The following XPNPEP3 variants were observed in gnomAD, a reference collection of about 807,000 sequenced individuals.
XPNPEP3 encodes the protein xaa-Pro aminopeptidase 3.
XPNPEP3 carries 41 observed loss-of-function variants against 60.0 expected under a neutral mutation model. That is an observed-to-expected ratio of 0.68 (90% CI 0.53 to 0.89). The LOEUF (loss-of-function observed/expected upper bound fraction) is 0.89, where lower values mean the gene tolerates loss of function less well. Ranked by LOEUF, XPNPEP3 falls within the 40% of genes least tolerant of loss-of-function variation. The probability of loss-of-function intolerance (pLI) is 0.00; values close to 1 mark genes in which losing one functional copy is unlikely to be tolerated. For synonymous variants in XPNPEP3, 212 were observed against 223.2 expected (o/e 0.95, Z 0.45); for missense variants, 598 against 638.9 (o/e 0.94, Z 0.69).
chr22:40,923,626 C>T (rs149312921), intron 8 of XPNPEP3, among the ~76,000 whole-genome samples: 50 of 152,060 alleles, frequency 3.3e-4, no homozygotes, highest in East Asian at 2.9e-3. Flanking sequence ...CTGAGGCAGG[C>T]GGATCACATG....
intron 5 of XPNPEP3, among the ~76,000 whole-genome samples, chr22:40,908,133 A>T (rs1308835532): frequency 6.6e-6 from 1 of 152,042 alleles, no homozygotes; most frequent in Non-Finnish European, 1.5e-5. Flanking sequence ...AGAATCACTT[A>T]AACCTGGGAG....
intron 1 of XPNPEP3, chr22:40,860,766 C>T (rs1246478269): frequency 4.1e-6 from 3 of 724,768 alleles, no homozygotes; most frequent in Non-Finnish European, 6.6e-6. Context: ...AGTCTTTCTA[C>T]CAGCTTCCCG....
At chr22:40,894,670 C>T (rs2058101186) in intron 4 of XPNPEP3, among the ~76,000 whole-genome samples, 1 of 152,188 alleles carries the variant, frequency 6.6e-6, no homozygotes, top group Admixed American at 6.6e-5. Context: ...CACTGGCTGG[C>T]TTGAGTTCCT....
At chr22:40,864,761 A>G (rs543983398) in intron 1 of XPNPEP3, among the ~76,000 whole-genome samples, 20 of 152,216 alleles carry the variant, frequency 1.3e-4, no homozygotes, top group Admixed American at 9.8e-4. Flanking sequence ...CTTCTTTACT[A>G]TAACCTACCT....
At chr22:40,892,273 C>T (rs1422163774) in intron 4 of XPNPEP3, among the ~76,000 whole-genome samples, 3 of 152,138 alleles carry the variant, frequency 2.0e-5, no homozygotes, top group Admixed American at 6.5e-5. Context: ...CAACCTCCGC[C>T]TCCCAGGTTC....
At chr22:40,868,451 GTGTA>G (rs1300718102) in intron 1 of XPNPEP3, among the ~76,000 whole-genome samples, 1 of 151,824 alleles carries the variant, frequency 6.6e-6, no homozygotes, top group Non-Finnish European at 1.5e-5. Flanking sequence ...GTGTGTGTGT[GTGTA>G]TGTGTATAAA....
intron 1 of XPNPEP3, chr22:40,862,586 T>G (rs1486401310): frequency 1.0e-6 from 1 of 985,346 alleles, no homozygotes; most frequent in East Asian, 1.1e-4. Context: ...TACTGGATGC[T>G]AAACAATTAT....
At position 40,858,586 on chromosome 22, in the gene XPNPEP3, GTGGCGCGATCTCT is replaced by G. The variant is rs532845270; in HGVS notation, c.64+1344_64+1356del. Among the ~76,000 whole-genome samples, 8 of 139,648 alleles carry G rather than the reference GTGGCGCGATCTCT, an allele frequency of 5.7e-5. No individual in the cohort carries two copies. The South Asian group carries it at 1.8e-3, about 32-fold the overall frequency. 91.6% of individuals were successfully genotyped at this position (139,648 alleles called of 152,430 possible). On this transcript the variant is annotated intron_variant, in intron 1 of 9. Transcript: ENST00000357137. ...CTCTTGTCGCCCAGGCTGGAGTGCA[GTGGCGCGATCTCT>G]TGCCTTACTGCAACCTCCACCTCCC...
chr22:40,864,627 TAG>T (rs1332584834), intron 1 of XPNPEP3, among the ~76,000 whole-genome samples: 1 of 152,074 alleles, frequency 6.6e-6, no homozygotes, highest in Non-Finnish European at 1.5e-5. Context: ...GTATTTTTAG[TAG>T]AGAGGGGGTT....
At chr22:40,900,030 A>G (rs1163900883) in intron 4 of XPNPEP3, among the ~76,000 whole-genome samples, 2 of 152,082 alleles carry the variant, frequency 1.3e-5, no homozygotes, top group Non-Finnish European at 2.9e-5. Flanking sequence ...ACACCACTGC[A>G]TTCCAGCCTG....
intron 3 of XPNPEP3, among the ~76,000 whole-genome samples, chr22:40,884,991 G>C (rs1601500967): frequency 6.6e-6 from 1 of 151,158 alleles, no homozygotes; most frequent in East Asian, 2.0e-4. Flanking sequence ...TCGCGCCACT[G>C]CACTCCAGCC....
intron 6 of XPNPEP3, among the ~76,000 whole-genome samples, chr22:40,911,115 T>C (rs1249598032): frequency 1.3e-5 from 2 of 152,164 alleles, no homozygotes; most frequent in East Asian, 1.9e-4. Flanking sequence ...CCACATCCTC[T>C]CCATCCCCTG....
chr22:40,869,526 G>GT (rs1211317686), intron 2 of XPNPEP3, among the ~76,000 whole-genome samples: 7 of 152,030 alleles, frequency 4.6e-5, no homozygotes, highest in Non-Finnish European at 8.8e-5. Context: ...TAGAAAACAT[G>GT]TTTTTTCTTG....
At chr22:40,889,014 T>TG (rs1018423326) in intron 4 of XPNPEP3, among the ~76,000 whole-genome samples, 2 of 151,978 alleles carry the variant, frequency 1.3e-5, no homozygotes. Flanking sequence ...AATGGTTTTT[T>TG]TTTTGTTTTG....
In XPNPEP3 at chr22:40,931,742, TCTC is replaced by T. The variant is rs1013379114; in HGVS notation, c.*5314_*5316del. On this transcript the variant is annotated 3_prime_UTR_variant, in exon 10 of 10. Transcript: ENST00000357137. ...AGAAGAGAAAAACTGGAGTGAGAAC[TCTC>T]CTCCTCTCATAATCATAGTATCCAC... is the stretch of plus-strand genomic sequence containing the variant. 6.6e-6 allele frequency: 1 copy of T among 152,040 alleles called. No individual in the cohort carries two copies. The allele number at this position is 152,040 out of a possible 1,614,324, so 9.4% of individuals were successfully genotyped here.
intron 5 of XPNPEP3, 119 bp downstream of exon 5, chr22:40,907,768 G>C: frequency 9.9e-7 from 1 of 1,009,732 alleles, no homozygotes; most frequent in Non-Finnish European, 1.5e-6. Context: ...CATTGGAGAG[G>C]ATTTGGTTCT....
intron 4 of XPNPEP3, among the ~76,000 whole-genome samples, chr22:40,903,690 AT>A (rs2058143617): frequency 1.3e-5 from 2 of 152,024 alleles, no homozygotes; most frequent in Non-Finnish European, 1.5e-5. Context: ...GGTTTTCACC[AT>A]TTTGGCCAAG....
Position 40,882,086 on chromosome 22 carries a change from G to T in XPNPEP3, c.498G>T (p.Pro166=). The T allele has an allele frequency of 6.2e-7, 1 of 1,614,056 alleles. No individual in the cohort carries two copies. Among genetic ancestry groups the T allele is most frequent in the African/African-American group, 1.3e-5 (1 of 75,020 alleles). The part of the protein sequence containing the change: ...RDPSRELWDG[P]RSGTDGAIAL... ...CCAGTCGAGAACTTTGGGATGGTCC[G>T]CGATCTGGCACTGATGGAGCAATAG... Residue 166 remains proline (P), a synonymous_variant, in exon 3 of 10, where the codon CCG becomes CCT. Transcript: ENST00000357137.
intron 4 of XPNPEP3, among the ~76,000 whole-genome samples, chr22:40,904,337 G>A (rs1601512940): frequency 6.6e-6 from 1 of 152,198 alleles, no homozygotes; most frequent in Admixed American, 6.5e-5. Context: ...TAGGAAGGAG[G>A]AGGAACTTTT....
Sources: allele counts gnomAD v4.1 joint callset (sites outside exome capture counted in the v4.1 genomes callset), GRCh38; gene constraint gnomAD v4.1.1; transcripts MANE v1.5; gene names NCBI Gene and HGNC (gene_info 2026-07-23, HGNC 2026-07-21).